NEK10: variants seen among roughly 807,000 people sequenced by gnomAD.
The protein encoded by NEK10 is serine/threonine-protein kinase Nek10.
NEK10 carries 122 observed loss-of-function variants against 159.8 expected under a neutral mutation model. The ratio of observed to expected loss-of-function variants is 0.76; its 90% CI spans 0.66 to 0.89. NEK10 has a LOEUF of 0.89. Among genes scored for constraint, NEK10 ranks in the 40% least tolerant of loss-of-function variants. NEK10 has a pLI of 0.00. For missense variants in NEK10, 1,342 were observed against 1,323.1 expected (o/e 1.01, Z -0.22); for synonymous variants, 466 against 457.1 (o/e 1.02, Z -0.25).
At chr3:27,298,249 T>C (rs1295080542) in intron 13 of NEK10, among the ~76,000 whole-genome samples, 1 of 152,166 alleles carries the variant, frequency 6.6e-6, no homozygotes, top group African/African-American at 2.4e-5. Context: ...GATTGAATTA[T>C]GGGGGTGGGT....
chr3:27,268,926 T>G (rs956296266), intron 22 of NEK10, among the ~76,000 whole-genome samples: 1 of 152,166 alleles, frequency 6.6e-6, no homozygotes, highest in African/African-American at 2.4e-5. Context: ...GGTCAAAATA[T>G]CAACATTAAC....
At chr3:27,229,193 AC>A (rs1952961779) in intron 23 of NEK10, among the ~76,000 whole-genome samples, 1 of 152,190 alleles carries the variant, frequency 6.6e-6, no homozygotes, top group African/African-American at 2.4e-5. Context: ...CACACCAAAC[AC>A]ATAATTACTA....
At chr3:27,141,274 A>G (rs1030898445) in intron 31 of NEK10, among the ~76,000 whole-genome samples, 2 of 152,086 alleles carry the variant, frequency 1.3e-5, no homozygotes, top group Non-Finnish European at 2.9e-5. Context: ...AGAGGATGTT[A>G]GGAATCATAG....
chr3:27,210,162 T>A (rs2149091184), intron 23 of NEK10, among the ~76,000 whole-genome samples: 1 of 152,272 alleles, frequency 6.6e-6, no homozygotes, highest in African/African-American at 2.4e-5. Flanking sequence ...AGACAATTTA[T>A]AAAGAAAAGG....
rs530626335 is a variant in NEK10, at chr3:27,318,906, G to T, written c.447+3271C>A. On this transcript the variant is annotated intron_variant, in intron 6 of 35. Coordinates refer to ENST00000691995, the MANE Select transcript of NEK10 (RefSeq NM_001394966.1). ...AGCCAAGAGCTTGGAAGATATGGGAGAAGACAATAAAGAAAAAAAAAACTT... is the reference window on the plus strand; with the variant it reads ...AGCCAAGAGCTTGGAAGATATGGGATAAGACAATAAAGAAAAAAAAAACTT... Among the ~76,000 whole-genome samples, 3 of 151,740 alleles carry T rather than the reference G, an allele frequency of 2.0e-5. No individual in the cohort carries two copies. The East Asian group carries it at 5.8e-4, about 29-fold the overall frequency.
intron 23 of NEK10, among the ~76,000 whole-genome samples, chr3:27,243,675 A>T (rs901107372): frequency 2.0e-5 from 3 of 152,330 alleles, no homozygotes; most frequent in Admixed American, 2.0e-4. Flanking sequence ...AAAACAGAGC[A>T]TCCACCCCAG....
rs942537740 is a variant in NEK10, at chr3:27,215,881, C to T, written c.2091-13324G>A. 8.5e-6 allele frequency: 6 copies of T among 709,896 alleles called. No homozygotes were observed. In the African/African-American group the frequency reaches 1.1e-4, roughly 12 times the overall value. 44.0% of individuals were successfully genotyped at this position (709,896 alleles called of 1,614,324 possible). ...AGAGCGAAGGTAGAGGTGCTGCACA[C>T]TTTAAACAACCAGATCACACGAAAA... On this transcript the variant is annotated intron_variant, in intron 23 of 35. Coordinates refer to ENST00000691995, the MANE Select transcript of NEK10 (RefSeq NM_001394966.1).
chr3:27,202,406 T>G (rs1421118470), intron 24 of NEK10, 22 bp downstream of exon 24: 1 of 1,592,860 alleles, frequency 6.3e-7, no homozygotes, highest in East Asian at 2.3e-5. Flanking sequence ...ACGAGACCCT[T>G]CTGTCTCCCA....
intron 23 of NEK10, 51 bp downstream of exon 23, chr3:27,256,245 C>A: frequency 2.5e-6 from 2 of 814,456 alleles, no homozygotes; most frequent in Non-Finnish European, 3.7e-6. Context: ...TAAATGAAAG[C>A]CTAAATCAGT....
chr3:27,141,444 T>C, intron 31 of NEK10, 38 bp downstream of exon 31: 1 of 1,484,698 alleles, frequency 6.7e-7, no homozygotes, highest in East Asian at 2.3e-5. Context: ...CAAACTTGCA[T>C]TTAAGATGAA....
intron 5 of NEK10, among the ~76,000 whole-genome samples, chr3:27,325,048 T>A (rs2045913413): frequency 6.6e-6 from 1 of 152,196 alleles, no homozygotes; most frequent in Admixed American, 6.5e-5. Context: ...CTGCAGTTGT[T>A]CTAACCACAG....
At chr3:27,297,305 C>A (rs73047866) in intron 13 of NEK10, 65 bp from the exon 14 acceptor site, 55,502 of 1,037,844 alleles carry the variant, frequency 0.053, 1,925 homozygotes, top group Middle Eastern at 0.082. Context: ...CACATAAATA[C>A]TCTTACTCCA....
chr3:27,333,314 G>C (rs981579202), intron 5 of NEK10, among the ~76,000 whole-genome samples: 3 of 152,064 alleles, frequency 2.0e-5, no homozygotes, highest in Non-Finnish European at 2.9e-5. Context: ...GGGAGGCTGA[G>C]GCAGGCAGAT....
At chr3:27,346,946 C>A (rs2047597287) in intron 3 of NEK10, among the ~76,000 whole-genome samples, 1 of 152,202 alleles carries the variant, frequency 6.6e-6, no homozygotes, top group South Asian at 2.1e-4. Flanking sequence ...CAAATAGTTT[C>A]ACTTACCAGT....
At position 27,202,447 on chromosome 3, in the gene NEK10, A is replaced by T; in HGVS notation, c.2201T>A (p.Met734Lys). The T allele has an allele frequency of 6.2e-7, 1 of 1,613,058 alleles. No homozygotes were observed. Among genetic ancestry groups the T allele is most frequent in the Non-Finnish European group, 8.5e-7 (1 of 1,179,400 alleles). Residue 734 changes from methionine (M) to lysine (K), a missense_variant, in exon 24 of 36, where the codon ATG becomes AAG. Coordinates refer to ENST00000691995, the MANE Select transcript of NEK10 (RefSeq NM_001394966.1). Reference sequence around the variant, plus strand: ...GCTTACTTTTGTAGCCAAGGACAGCATGTTAGTGCTGTAGAAGGGGGGACT... The same window carrying T: ...GCTTACTTTTGTAGCCAAGGACAGCTTGTTAGTGCTGTAGAAGGGGGGACT... ...TLSPPFYSTN[M>K]LSLATKIVEA...
At chr3:27,175,250 T>C (rs1189916004) in intron 26 of NEK10, among the ~76,000 whole-genome samples, 2 of 152,036 alleles carry the variant, frequency 1.3e-5, no homozygotes, top group African/African-American at 4.8e-5. Flanking sequence ...CCAGGAAAAT[T>C]AGTAGCAGAC....
At chr3:27,181,676 C>T in intron 26 of NEK10, among the ~76,000 whole-genome samples, 1 of 152,056 alleles carries the variant, frequency 6.6e-6, no homozygotes, top group East Asian at 1.9e-4. Context: ...TATTACCTTG[C>T]CTTCTTTTAT....
intron 23 of NEK10, among the ~76,000 whole-genome samples, chr3:27,234,142 T>A (rs2149224332): frequency 6.6e-6 from 1 of 152,250 alleles, no homozygotes; most frequent in East Asian, 1.9e-4. Flanking sequence ...GAGCCATATA[T>A]GACAAACCCA....
intron 25 of NEK10, among the ~76,000 whole-genome samples, chr3:27,200,612 C>A (rs1312237417): frequency 6.6e-6 from 1 of 152,210 alleles, no homozygotes; most frequent in Non-Finnish European, 1.5e-5. Context: ...GACTAAGTCC[C>A]TGCTCTTGAG....
Sources: allele counts gnomAD v4.1 joint callset (sites outside exome capture counted in the v4.1 genomes callset), GRCh38; gene constraint gnomAD v4.1.1; transcripts MANE v1.5; gene names NCBI Gene and HGNC (gene_info 2026-07-23, HGNC 2026-07-21).